The following PCDHGA1 variants were observed in gnomAD, a reference collection of about 807,000 sequenced individuals.
The protein encoded by PCDHGA1 is protocadherin gamma subfamily A, 1, also known as protocadherin gamma-A1.
A neutral mutation model predicts 58.0 loss-of-function variants in PCDHGA1; 32 were observed. The observed-to-expected ratio is 0.55, with a 90% CI of 0.42 to 0.74. The LOEUF (loss-of-function observed/expected upper bound fraction) is 0.74. Ranked by LOEUF, PCDHGA1 falls within the 30% of genes least tolerant of loss-of-function variation. The pLI is 0.00. For synonymous variants in PCDHGA1, 498 were observed against 501.1 expected, an observed-to-expected ratio of 0.99 and a Z score of 0.08; for missense variants, 1,205 against 1,182.3, an observed-to-expected ratio of 1.02 and a Z score of -0.28.
intron 1 of PCDHGA1, chr5:141,384,513 G>A: frequency 6.2e-7 from 1 of 1,614,200 alleles, no homozygotes; most frequent in Non-Finnish European, 8.5e-7. Context: ...ATGACAGCGG[G>A]GACCCGCCTC....
intron 1 of PCDHGA1, chr5:141,387,572 T>C (rs369703788): frequency 1.9e-4 from 92 of 480,688 alleles, no homozygotes; most frequent in Non-Finnish European, 2.3e-4. Flanking sequence ...CAATTATAAT[T>C]ATTGCACTGG....
chr5:141,463,041 G>C (rs1383781857), intron 1 of PCDHGA1, among the ~76,000 whole-genome samples: 1 of 152,114 alleles, frequency 6.6e-6, no homozygotes, highest in African/African-American at 2.4e-5. Flanking sequence ...TGAGTGTTCA[G>C]CAGGGTCTCT....
intron 1 of PCDHGA1, chr5:141,376,527 A>T: frequency 6.2e-7 from 1 of 1,613,816 alleles, no homozygotes; most frequent in South Asian, 1.1e-5. Context: ...TTTCCGCCTA[A>T]GCGGGAAGAG....
chr5:141,499,261 GT>G (rs2099790689), intron 2 of PCDHGA1, among the ~76,000 whole-genome samples: 1 of 152,022 alleles, frequency 6.6e-6, no homozygotes, highest in South Asian at 2.1e-4. Context: ...TCTCCATTTG[GT>G]CCCTAGACTG....
At chr5:141,478,098 C>T (rs779493391) in intron 1 of PCDHGA1, 1 of 1,614,142 alleles carries the variant, frequency 6.2e-7, no homozygotes, top group South Asian at 1.1e-5. Flanking sequence ...ACCACTGCTA[C>T]CCTCACTGTG....
chr5:141,399,546 G>T, intron 1 of PCDHGA1: 1 of 1,614,032 alleles, frequency 6.2e-7, no homozygotes. Flanking sequence ...TCTGCGCCTC[G>T]GACCTGGACT....
intron 3 of PCDHGA1, among the ~76,000 whole-genome samples, chr5:141,509,518 T>A (rs1441963133): frequency 6.6e-6 from 1 of 152,170 alleles, no homozygotes; most frequent in Non-Finnish European, 1.5e-5. Context: ...GTTGATGATG[T>A]ATTGCACAGG....
At chr5:141,365,996 AACG>A (rs1588620860) in intron 1 of PCDHGA1, 4 of 1,614,192 alleles carry the variant, frequency 2.5e-6, no homozygotes, top group Non-Finnish European at 3.4e-6. Context: ...GCTGGACCAG[AACG>A]ACAATACGCC....
intron 1 of PCDHGA1, chr5:141,392,972 G>T: frequency 6.2e-7 from 1 of 1,613,920 alleles, no homozygotes. Context: ...AGGACCTGGG[G>T]CTGGACCCCC....
Position 141,370,589 on chromosome 5 carries a change from C to A in PCDHGA1, c.2421+37484C>A, listed in dbSNP as rs1373846949. 6.2e-7 allele frequency: 1 copy of A among 1,613,898 alleles called. No individual in the cohort carries two copies. The highest frequency in any genetic ancestry group is 1.1e-5 in the South Asian group (1 of 91,062). The stretch of plus-strand genomic sequence containing the variant: ...GCGTGGGGGATTTACCTACTAGGAA[C>A]CTGCGGGTTATTGCAGAGAAGAAAT... On this transcript the variant is annotated intron_variant, in intron 1 of 3. Transcript: ENST00000517417.
intron 1 of PCDHGA1, among the ~76,000 whole-genome samples, chr5:141,369,057 G>A (rs907839197): frequency 1.4e-4 from 22 of 152,206 alleles, no homozygotes; most frequent in African/African-American, 5.1e-4. Flanking sequence ...ACATTATGTA[G>A]GCTAAAGATA....
rs764696444 is a variant in PCDHGA1 at position 141,375,374 on chromosome 5, C to A, written c.2421+42269C>A. On this transcript the variant is annotated intron_variant, in intron 1 of 3. Coordinates refer to ENST00000517417, the MANE Select transcript of PCDHGA1 (RefSeq NM_018912.3). Reference sequence around the variant, plus strand: ...GACAGCCACGGACAAAGGAACACCACCTCTGTCTACAGAAACAATCATCTC... The same window carrying A: ...GACAGCCACGGACAAAGGAACACCAACTCTGTCTACAGAAACAATCATCTC... The A allele has an allele frequency of 2.4e-5, 38 of 1,613,952 alleles. No homozygotes were observed. In the South Asian group the frequency reaches 3.6e-4, roughly 15 times the overall value.
intron 1 of PCDHGA1, chr5:141,414,354 T>C (rs1389145668): frequency 1.2e-6 from 2 of 1,613,800 alleles, no homozygotes; most frequent in Admixed American, 1.7e-5. Flanking sequence ...TTTTGGCGTA[T>C]CTACCATTTA....
chr5:141,340,198 C>A, intron 1 of PCDHGA1: 1 of 1,614,156 alleles, frequency 6.2e-7, no homozygotes, highest in Non-Finnish European at 8.5e-7. Context: ...CAACCAGAGC[C>A]CTTGACAGGG....
At chr5:141,393,754 T>G in intron 1 of PCDHGA1, 1 of 1,613,892 alleles carries the variant, frequency 6.2e-7, no homozygotes, top group Non-Finnish European at 8.5e-7. Flanking sequence ...GAATGTTCAT[T>G]TTATGAAATG....
chr5:141,344,920 C>T, intron 1 of PCDHGA1: 1 of 1,613,888 alleles, frequency 6.2e-7, no homozygotes, highest in Non-Finnish European at 8.5e-7. Context: ...CATCTTAACT[C>T]AGTGAGTGGA....
chr5:141,433,108 G>A (rs2097568903), intron 1 of PCDHGA1: 2 of 1,614,146 alleles, frequency 1.2e-6, no homozygotes, highest in East Asian at 2.2e-5. Context: ...TCAGCCAGGA[G>A]AGCTTTGAAA....
intron 1 of PCDHGA1, chr5:141,356,627 C>T (rs1399463036): frequency 6.2e-7 from 1 of 1,614,182 alleles, no homozygotes; most frequent in Non-Finnish European, 8.5e-7. Context: ...TCTATGACTG[C>T]TCAAGACCCT....
chr5:141,361,669 G>A (rs536902009), intron 1 of PCDHGA1: 14 of 1,613,690 alleles, frequency 8.7e-6, no homozygotes, highest in Non-Finnish European at 1.2e-5. Flanking sequence ...CGCGCAGAGC[G>A]GGGTGGTGTT....
Sources: gnomAD v4.1 joint callset for allele counts (sites outside exome capture counted in the v4.1 genomes callset) on GRCh38, gnomAD v4.1.1 for gene constraint, MANE v1.5 for transcripts, NCBI Gene and HGNC (gene_info 2026-07-23, HGNC 2026-07-21) for gene names.